The following HMCN2 variants were observed in gnomAD, a reference collection of about 807,000 sequenced individuals.
HMCN2 encodes hemicentin 2, also known as hemicentin-2.
A neutral mutation model predicts 377.5 loss-of-function variants in HMCN2; 325 were observed. The ratio of observed to expected loss-of-function variants is 0.86; its 90% confidence interval spans 0.79 to 0.94. HMCN2 has a LOEUF of 0.94. HMCN2 is among the 40% of genes least tolerant of loss of function. The pLI is 0.00. For synonymous variants in HMCN2, 2,007 were observed against 2,046.8 expected (o/e 0.98, Z 0.53); for missense variants, 4,543 against 4,725.3 (o/e 0.96, Z 1.13).
intron 40 of HMCN2, among the ~76,000 whole-genome samples, chr9:130,363,754 T>C (rs1463201106): frequency 1.4e-5 from 2 of 142,998 alleles, no homozygotes; most frequent in African/African-American, 2.6e-5. Context: ...ACCTGGGAGG[T>C]AGAGGTTGCA....
intron 13 of HMCN2, 101 bp downstream of exon 13, chr9:130,307,039 G>A (rs1554937081): frequency 1.3e-5 from 5 of 377,166 alleles, no homozygotes; most frequent in Non-Finnish European, 2.8e-5. Context: ...TACCTGTCAC[G>A]CACCGGGGAC....
intron 81 of HMCN2, among the ~76,000 whole-genome samples, chr9:130,405,620 C>T (rs565434173): frequency 6.6e-6 from 1 of 152,246 alleles, no homozygotes; most frequent in East Asian, 1.9e-4. Flanking sequence ...CCTCTTGGAG[C>T]CCCTGTTGGG....
At chr9:130,340,807 C>G (rs906105757) in intron 23 of HMCN2, among the ~76,000 whole-genome samples, 1 of 152,210 alleles carries the variant, frequency 6.6e-6, no homozygotes, top group African/African-American at 2.4e-5. Flanking sequence ...CGTGAGCCAC[C>G]GCTCCCAGCC....
Position 130,368,227 on chromosome 9 carries a change from C to T in HMCN2, c.6626-49C>T, listed in dbSNP as rs577788718. ...AAACTTTCCATGTGGAAAGACATCA[C>T]GTCCTTGCAAATGCCCTGGACCAGG... On this transcript the variant is annotated intron_variant, in intron 43 of 97. Transcript: ENST00000683500. 153 of 976,648 alleles carry T rather than the reference C, an allele frequency of 1.6e-4. 3 individuals are homozygous for T. The South Asian group carries it at 6.2e-3, about 40-fold the overall frequency. 60.5% of individuals were successfully genotyped at this position (976,648 alleles called of 1,614,324 possible). A position where few individuals can be genotyped will look rare whatever the true frequency, so the allele number is the denominator to read the frequency against.
intron 55 of HMCN2, 83 bp from the exon 56 acceptor site, chr9:130,382,596 C>G: frequency 2.2e-6 from 1 of 450,174 alleles, no homozygotes; most frequent in South Asian, 9.5e-5. Context: ...GCACCTGACA[C>G]CAAGTGCCAC....
At chr9:130,388,265 G>C (rs1397409866) in intron 61 of HMCN2, 144 bp from the exon 62 acceptor site, 1 of 477,926 alleles carries the variant, frequency 2.1e-6, no homozygotes, top group Non-Finnish European at 2.7e-6. Context: ...GCCAGGCACT[G>C]GTTCTATTTA....
At chr9:130,299,575 T>TCACCCACCCATC (rs1291008942) in intron 8 of HMCN2, among the ~76,000 whole-genome samples, 40 of 150,816 alleles carry the variant, frequency 2.7e-4, no homozygotes, top group African/African-American at 8.8e-4. Context: ...ACCCATTCAC[T>TCACCCACCCATC]CACCCACCCA....
chr9:130,374,812 A>G (rs959183125), intron 49 of HMCN2, 119 bp downstream of exon 49: 2 of 368,422 alleles, frequency 5.4e-6, no homozygotes, highest in African/African-American at 4.4e-5. Context: ...TAATTCTCCG[A>G]GTTTGACAAC....
At chr9:130,317,467 ATCTCTCTCTCTCTCTCTCTC>A (rs1177875902) in intron 15 of HMCN2, among the ~76,000 whole-genome samples, 6 of 123,336 alleles carry the variant, frequency 4.9e-5, no homozygotes, top group Non-Finnish European at 8.5e-5. Flanking sequence ...AGACCCCACC[ATCTCTCTCTCTCTCTCTCTC>A]TCTCTCTCTC....
intron 34 of HMCN2, among the ~76,000 whole-genome samples, chr9:130,357,415 T>C (rs985396758): frequency 2.0e-5 from 3 of 146,892 alleles, no homozygotes; most frequent in African/African-American, 7.6e-5. Flanking sequence ...GATGGATGGA[T>C]GGATGGAAGG....
At chr9:130,294,198 C>A (rs1283935353) in intron 4 of HMCN2, among the ~76,000 whole-genome samples, 1 of 152,100 alleles carries the variant, frequency 6.6e-6, no homozygotes, top group Admixed American at 6.5e-5. Flanking sequence ...TAAATGTGTA[C>A]CTAAGGGATA....
chr9:130,278,652 G>T (rs1360466489), intron 1 of HMCN2, among the ~76,000 whole-genome samples: 1 of 151,002 alleles, frequency 6.6e-6, no homozygotes, highest in Non-Finnish European at 1.5e-5. Flanking sequence ...GCACGATCTC[G>T]GCTCACTGCA....
Position 130,359,422 on chromosome 9 carries a change from C to A in HMCN2, c.5773+8C>A. The A allele has an allele frequency of 7.7e-7, 1 of 1,291,180 alleles. No individual in the cohort carries two copies. The highest frequency in any genetic ancestry group is 1.0e-6 in the Non-Finnish European group (1 of 977,902). 80.0% of individuals were successfully genotyped at this position (1,291,180 alleles called of 1,614,324 possible). A position where few individuals can be genotyped will look rare whatever the true frequency, so the allele number is the denominator to read the frequency against. On this transcript the variant is annotated splice_region_variant and intron_variant, in intron 37 of 97. Transcript: ENST00000683500. Reference sequence around the variant, plus strand: ...CGGGCGTGCCCCCTCCTGGTAAGACCCCTCCTCTTGGCTGAAAGCTACTTC... The same window carrying A: ...CGGGCGTGCCCCCTCCTGGTAAGACACCTCCTCTTGGCTGAAAGCTACTTC...
At chr9:130,286,338 G>A (rs917522578) in intron 4 of HMCN2, 28 bp downstream of exon 4, 3 of 469,794 alleles carry the variant, frequency 6.4e-6, no homozygotes, top group Non-Finnish European at 8.8e-6. Context: ...GCACCATCCC[G>A]GAGCCCATCA....
rs1032123709 is a variant in HMCN2 at position 130,379,391 on chromosome 9, G to A, written c.8355G>A (p.Ala2785=). ...NPAYLYCDTN[A]IPPPDLTWYR... ...CCTACCTGTACTGCGACACCAACGC[G>A]ATCCCACCCCCGGACCTCACCTGGT... Residue 2785 remains alanine (A), a synonymous_variant, in exon 54 of 98, where the codon GCG becomes GCA. Transcript: ENST00000683500. 1.2e-5 allele frequency: 12 copies of A among 985,702 alleles called. No individual in the cohort carries two copies. Among genetic ancestry groups the A allele is most frequent in the Non-Finnish European group, 1.3e-5 (11 of 829,956 alleles). 61.1% of individuals were successfully genotyped at this position (985,702 alleles called of 1,614,324 possible). A position where few individuals can be genotyped will look rare whatever the true frequency, so the allele number is the denominator to read the frequency against.
intron 83 of HMCN2, 38 bp downstream of exon 83, chr9:130,407,743 C>T (rs1199713694): frequency 1.7e-6 from 2 of 1,177,042 alleles, no homozygotes; most frequent in South Asian, 1.6e-5. Flanking sequence ...CTCTCAAGAC[C>T]TCCAGTCTAT....
At position 130,357,985 on chromosome 9, in the gene HMCN2, A is replaced by G. The variant is rs1431234879; in HGVS notation, c.5577A>G (p.Leu1859=). The change falls in exon 35 of 98, where the codon CTA becomes CTG. Residue 1859 remains leucine, a synonymous_variant. Coordinates refer to ENST00000683500, the MANE Select transcript of HMCN2 (RefSeq NM_001291815.2). ...GVALAAFGGN[L]QIEKVDLRDE... ...CCCTGGCAGCCTTTGGGGGGAACCT[A>G]CAGGTATGTGCAGGGGCCCCAGGGC... The G allele has an allele frequency of 1.5e-6, 2 of 1,303,766 alleles. No homozygotes were observed. The highest frequency in any genetic ancestry group is 1.1e-4 in the East Asian group (2 of 18,004). The allele number at this position is 1,303,766 out of a possible 1,614,324, so 80.8% of individuals were successfully genotyped here.
rs185011513 is a variant in HMCN2, at chr9:130,375,749, G to A, written c.7804+13G>A. The A allele has an allele frequency of 1.0e-6, 1 of 985,316 alleles. No individual in the cohort carries two copies. The highest frequency in any genetic ancestry group is 1.1e-4 in the East Asian group (1 of 8,806). The allele number at this position is 985,316 out of a possible 1,614,324, so 61.0% of individuals were successfully genotyped here. A position where few individuals can be genotyped will look rare whatever the true frequency, so the allele number is the denominator to read the frequency against. On this transcript the variant is annotated intron_variant, in intron 50 of 97. Coordinates refer to ENST00000683500, the MANE Select transcript of HMCN2 (RefSeq NM_001291815.2). ...CAGCTGCTCCCAGGTGACGCCCTCT[G>A]GGGGGAAAGGAGGGAGGGAACAGGT...
chr9:130,402,745 G>A, intron 77 of HMCN2, 44 bp from the exon 78 acceptor site: 1 of 1,213,564 alleles, frequency 8.2e-7, no homozygotes, highest in Non-Finnish European at 1.1e-6. Context: ...CTCCATCCCT[G>A]GGGACCTCTG....
Sources: gnomAD v4.1 joint callset for allele counts (sites outside exome capture counted in the v4.1 genomes callset) on GRCh38, gnomAD v4.1.1 for gene constraint, MANE v1.5 for transcripts, NCBI Gene and HGNC (gene_info 2026-07-23, HGNC 2026-07-21) for gene names.